Variants in NAV3 observed in about 807,000 individuals in gnomAD.
NAV3 encodes the protein neuron navigator 3, also known as pore membrane and/or filament interacting like protein 1.
In NAV3, 87 loss-of-function variants were observed where a neutral mutation model predicts 244.7. The observed-to-expected ratio is 0.36, with a 90% CI of 0.30 to 0.42. NAV3 has a LOEUF of 0.42. NAV3 is among the 20% of genes least tolerant of loss of function. NAV3 has a pLI of 1.00. For synonymous variants in NAV3, 1,126 were observed against 1,042.2 expected (o/e 1.08, Z -1.55); for missense variants, 2,663 against 2,893.3 (o/e 0.92, Z 1.83).
At chr12:78,111,101 TGCTTGATA>T (rs1191345307) in intron 12 of NAV3, among the ~76,000 whole-genome samples, 1 of 152,048 alleles carries the variant, frequency 6.6e-6, no homozygotes, top group Non-Finnish European at 1.5e-5. Context: ...ATAAATTCAA[TGCTTGATA>T]GCAGAGTACA....
intron 1 of NAV3, among the ~76,000 whole-genome samples, chr12:77,877,246 C>T (rs955705376): frequency 1.3e-4 from 20 of 152,096 alleles, no homozygotes; most frequent in African/African-American, 4.3e-4. Context: ...TCCATCTCTA[C>T]ATTGGTGTAA....
chr12:77,999,463 T>C (rs542445496), intron 7 of NAV3, among the ~76,000 whole-genome samples: 3 of 152,304 alleles, frequency 2.0e-5, no homozygotes, highest in South Asian at 4.1e-4. Context: ...AATTGTTTCA[T>C]ATAGGCAAAT....
intron 11 of NAV3, 137 bp downstream of exon 11, chr12:78,051,284 T>C (rs186130063): frequency 9.9e-6 from 9 of 906,570 alleles, no homozygotes; most frequent in African/African-American, 9.9e-5. Flanking sequence ...ATTCAGAGTG[T>C]TGAAGGGCCC....
chr12:77,690,127 A>G (rs1874937010), intron 2 of NAV3, among the ~76,000 whole-genome samples: 2 of 151,832 alleles, frequency 1.3e-5, no homozygotes, highest in South Asian at 4.1e-4. Flanking sequence ...AGAGTAATCT[A>G]CGGTGCCTGA....
In NAV3 at chr12:77,620,466, CA is replaced by C. The variant is rs1266117289; in HGVS notation, c.72+48201del. ...TAACACTTTTGATTTATGATTTGAACATTTTTTTTTTTTTGAGACTAAGTCT... is the reference window on the plus strand; with the variant it reads ...TAACACTTTTGATTTATGATTTGAACTTTTTTTTTTTTTGAGACTAAGTCT... On this transcript the variant is annotated intron_variant, in intron 2 of 8. Coordinates refer to the NAV3 transcript ENST00000550042. Among the ~76,000 whole-genome samples the C allele has an allele frequency of 5.3e-5, 8 of 151,128 alleles. No homozygotes were observed. The East Asian group carries it at 1.6e-3, about 29-fold the overall frequency.
At chr12:77,959,915 A>C (rs1447269043) in intron 3 of NAV3, among the ~76,000 whole-genome samples, 2 of 52,772 alleles carry the variant, frequency 3.8e-5, no homozygotes, top group Admixed American at 2.0e-4. Context: ...GACCCGACAA[A>C]AAAAAAAAAA....
In NAV3 at chr12:77,593,642, T is replaced by C. The variant is rs1337822959; in HGVS notation, c.72+21376T>C. ...TGTAATCCCAGCTACTTTTTTTTTTTTTTTTGTATTTTTAGTAGAGATGGG... is the reference window on the plus strand; with the variant it reads ...TGTAATCCCAGCTACTTTTTTTTTTCTTTTTGTATTTTTAGTAGAGATGGG... On this transcript the variant is annotated intron_variant, in intron 2 of 8. Coordinates refer to the NAV3 transcript ENST00000550042. Among the ~76,000 whole-genome samples the C allele has an allele frequency of 1.3e-3, 193 of 147,704 alleles. 1 individual carries two copies. Among genetic ancestry groups the C allele is most frequent in the African/African-American group, 4.7e-3 (190 of 40,678 alleles).
chr12:78,038,443 G>A (rs957814180), intron 9 of NAV3, among the ~76,000 whole-genome samples: 23 of 152,270 alleles, frequency 1.5e-4, no homozygotes, highest in African/African-American at 5.5e-4. Context: ...AGACCCTCCT[G>A]TTACAAGATG....
chr12:78,091,795 C>CAAAAAAAAAAAAAAAAAAAAAAAAAA (rs57863867), intron 12 of NAV3: 16 of 103,828 alleles, frequency 1.5e-4, no homozygotes, highest in African/African-American at 5.9e-4. Context: ...GACTCCGTCT[C>CAAAAAAAAAAAAAAAAAAAAAAAAAA]AAAAAAAAAA....
intron 1 of NAV3, among the ~76,000 whole-genome samples, chr12:77,914,801 C>A (rs369004984): frequency 2.0e-5 from 3 of 149,740 alleles, no homozygotes; most frequent in East Asian, 2.0e-4. Flanking sequence ...TAAACACAAA[C>A]CTTTTACCAG....
chr12:78,084,750 A>G (rs906693530), intron 12 of NAV3, among the ~76,000 whole-genome samples: 10 of 152,140 alleles, frequency 6.6e-5, no homozygotes, highest in Non-Finnish European at 1.2e-4. Context: ...TAAACTAATC[A>G]ATGACTTTCT....
At chr12:77,994,762 A>G in intron 5 of NAV3, 41 bp from the exon 6 acceptor site, 2 of 1,511,088 alleles carry the variant, frequency 1.3e-6, no homozygotes, top group African/African-American at 1.4e-5. Context: ...CCATGTTCAA[A>G]GAATCTCTTT....
At chr12:77,828,620 T>A (rs1406479796), upstream of NAV3, among the ~76,000 whole-genome samples, 1 of 152,166 alleles carries the variant, frequency 6.6e-6, no homozygotes, top group East Asian at 1.9e-4. Context: ...TAAGATAAAT[T>A]GAGATGACAA....
intron 12 of NAV3, among the ~76,000 whole-genome samples, chr12:78,078,046 C>T (rs1953141581): frequency 8.0e-6 from 1 of 125,604 alleles, no homozygotes; most frequent in South Asian, 3.0e-4. Context: ...GTGAGGGATC[C>T]TGTCTCCTTG....
chr12:78,134,900 T>C (rs1455322445), intron 18 of NAV3, among the ~76,000 whole-genome samples: 3 of 152,214 alleles, frequency 2.0e-5, no homozygotes, highest in African/African-American at 4.8e-5. Flanking sequence ...GCAAATGCAA[T>C]TTAAGACAAA....
intron 2 of NAV3, among the ~76,000 whole-genome samples, chr12:77,581,476 T>C (rs2136678005): frequency 6.6e-6 from 1 of 152,318 alleles, no homozygotes; most frequent in South Asian, 2.1e-4. Context: ...CAAAATGTGA[T>C]GTTATATTGC....
intron 2 of NAV3, among the ~76,000 whole-genome samples, chr12:77,763,248 A>G (rs990141167): frequency 6.6e-6 from 1 of 152,204 alleles, no homozygotes; most frequent in Non-Finnish European, 1.5e-5. Flanking sequence ...TATAGAAGGT[A>G]GGAGAGGGCA....
chr12:78,209,212 G>A (rs1306448676), intron 39 of NAV3, among the ~76,000 whole-genome samples: 1 of 152,108 alleles, frequency 6.6e-6, no homozygotes, highest in Non-Finnish European at 1.5e-5. Context: ...AATTCTTGCT[G>A]AAATTGGTGA....
chr12:77,946,594 G>T (rs1890371582), intron 3 of NAV3, among the ~76,000 whole-genome samples: 1 of 152,054 alleles, frequency 6.6e-6, no homozygotes, highest in Admixed American at 6.6e-5. Context: ...TACTAATGTG[G>T]ATGGCACCTG....
Sources: gnomAD v4.1 joint callset for allele counts (sites outside exome capture counted in the v4.1 genomes callset) on GRCh38, gnomAD v4.1.1 for gene constraint, MANE v1.5 for transcripts, NCBI Gene and HGNC (gene_info 2026-07-23, HGNC 2026-07-21) for gene names.